Variants in DLGAP2 observed in about 807,000 individuals in gnomAD.
DLGAP2 encodes disks large-associated protein 2.
Under a neutral mutation model 100.3 loss-of-function variants are expected in DLGAP2, and 26 were observed. The observed-to-expected ratio is 0.26, with a 90% CI of 0.19 to 0.36. The LOEUF (loss-of-function observed/expected upper bound fraction) is 0.36, where lower values mean the gene tolerates loss of function less well. Ranked by LOEUF, DLGAP2 falls within the 10% of genes least tolerant of loss-of-function variation. DLGAP2 has a pLI of 1.00. For synonymous variants in DLGAP2, 886 were observed against 630.1 expected (o/e 1.41, Z -6.08); for missense variants, 1,858 against 1,453.2 (o/e 1.28, Z -4.53).
intron 3 of DLGAP2, among the ~76,000 whole-genome samples, chr8:1,318,651 G>T (rs1800822112): frequency 6.6e-6 from 1 of 151,748 alleles, no homozygotes; most frequent in African/African-American, 2.4e-5. Flanking sequence ...GGGATCTGTG[G>T]CTATAAGTTA....
chr8:1,599,593 T>C (rs1296378256), intron 6 of DLGAP2, among the ~76,000 whole-genome samples: 3 of 152,212 alleles, frequency 2.0e-5, no homozygotes, highest in Non-Finnish European at 4.4e-5. Flanking sequence ...GATAGTTAGC[T>C]CTTCTTGTTG....
Position 1,418,940 on chromosome 8 carries a change from G to T in DLGAP2, c.107-82426G>T, listed in dbSNP as rs149950716. 1.8e-3 allele frequency among the ~76,000 whole-genome samples: 279 copies of T among 152,324 alleles called. 2 individuals carry two copies. Among genetic ancestry groups the T allele is most frequent in the African/African-American group, 6.3e-3 (263 of 41,560 alleles). On this transcript the variant is annotated intron_variant, in intron 3 of 14. Coordinates refer to ENST00000637795, the MANE Select transcript of DLGAP2 (RefSeq NM_001346810.2). The stretch of plus-strand genomic sequence containing the variant: ...GCTTGAATGGCTCACAGAACTCGGG[G>T]AAACACTTTACTTGTGTTTACCCAC...
At chr8:1,622,282 A>G (rs971353782) in intron 6 of DLGAP2, 1 of 152,250 alleles carries the variant, frequency 6.6e-6, no homozygotes, top group African/African-American at 2.4e-5. Context: ...CTGTATTTCA[A>G]ATGAACACAT....
At chr8:1,374,589 T>G (rs1192289776) in intron 3 of DLGAP2, among the ~76,000 whole-genome samples, 1 of 152,156 alleles carries the variant, frequency 6.6e-6, no homozygotes, top group Non-Finnish European at 1.5e-5. Context: ...TAAAAATCCT[T>G]CCTGTGATGT....
intron 2 of DLGAP2, among the ~76,000 whole-genome samples, chr8:961,410 CT>C (rs1799722665): frequency 6.6e-6 from 1 of 152,192 alleles, no homozygotes; most frequent in Non-Finnish European, 1.5e-5. Context: ...GTGTATGCTT[CT>C]TTCTAGAAGT....
At chr8:1,172,000 A>C (rs1035308706) in intron 2 of DLGAP2, among the ~76,000 whole-genome samples, 16 of 152,092 alleles carry the variant, frequency 1.1e-4, no homozygotes, top group African/African-American at 3.9e-4. Flanking sequence ...ACATTTTGGC[A>C]TGATTTTGCA....
chr8:1,323,226 C>T (rs527889707), intron 3 of DLGAP2, among the ~76,000 whole-genome samples: 1 of 152,206 alleles, frequency 6.6e-6, no homozygotes, highest in African/African-American at 2.4e-5. Flanking sequence ...GACAGGGTTT[C>T]ATTGTGTTGC....
chr8:872,624 C>T (rs1381112774), intron 1 of DLGAP2, among the ~76,000 whole-genome samples: 1 of 152,102 alleles, frequency 6.6e-6, no homozygotes, highest in East Asian at 1.9e-4. Context: ...CCACTGCGCC[C>T]GGCCTTCTCT....
intron 1 of DLGAP2, among the ~76,000 whole-genome samples, chr8:853,460 C>G (rs1797218368): frequency 6.6e-6 from 1 of 152,246 alleles, no homozygotes; most frequent in Non-Finnish European, 1.5e-5. Context: ...TAAACATCAT[C>G]TGCACAGATG....
At chr8:1,226,900 C>T (rs934972803) in intron 2 of DLGAP2, among the ~76,000 whole-genome samples, 2 of 152,062 alleles carry the variant, frequency 1.3e-5, no homozygotes, top group East Asian at 3.9e-4. Flanking sequence ...GGAACCCCCA[C>T]ACTTCAGCAG....
chr8:1,073,469 G>GA (rs1403952715), intron 2 of DLGAP2, among the ~76,000 whole-genome samples: 1 of 152,098 alleles, frequency 6.6e-6, no homozygotes, highest in African/African-American at 2.4e-5. Flanking sequence ...ATGTAACTCA[G>GA]AAAAAATATA....
At chr8:944,768 C>G (rs1799276380) in intron 2 of DLGAP2, among the ~76,000 whole-genome samples, 1 of 151,292 alleles carries the variant, frequency 6.6e-6, no homozygotes, top group African/African-American at 2.4e-5. Context: ...GGTAACTGAT[C>G]CATGTGGGTG....
chr8:963,291 C>A (rs769791035), intron 2 of DLGAP2, among the ~76,000 whole-genome samples: 1 of 148,622 alleles, frequency 6.7e-6, no homozygotes, highest in Non-Finnish European at 1.5e-5. Context: ...AGGCACCCTA[C>A]GTAAGGCAAG....
chr8:958,404 T>C (rs143841644), intron 2 of DLGAP2, among the ~76,000 whole-genome samples: 25 of 152,142 alleles, frequency 1.6e-4, no homozygotes, highest in African/African-American at 6.0e-4. Flanking sequence ...CCGTTGCTCA[T>C]CTCCCTCGGG....
intron 2 of DLGAP2, among the ~76,000 whole-genome samples, chr8:994,112 C>T (rs1246263713): frequency 2.6e-5 from 4 of 152,194 alleles, no homozygotes; most frequent in Admixed American, 1.3e-4. Flanking sequence ...GAAATCGCCA[C>T]TGCACTACAA....
chr8:1,451,632 G>A (rs1798162518), intron 3 of DLGAP2, among the ~76,000 whole-genome samples: 1 of 151,936 alleles, frequency 6.6e-6, no homozygotes, highest in South Asian at 2.1e-4. Context: ...CGCCTCTGTT[G>A]CCGGCTCCTC....
At position 880,058 on chromosome 8, in the gene DLGAP2, C is replaced by T. The variant is rs369693713; in HGVS notation, c.19-27854C>T. On this transcript the variant is annotated intron_variant, in intron 1 of 14. Transcript: ENST00000637795. ...CTTCAGGAAATTCTGTCCTGGCCTT[C>T]TTGTCCTGCTGCTTCCAAATTCATC... is the stretch of plus-strand genomic sequence containing the variant. Among the ~76,000 whole-genome samples the T allele has an allele frequency of 3.3e-5, 5 of 152,186 alleles. No homozygotes were observed. In the East Asian group the frequency reaches 9.6e-4, roughly 29 times the overall value.
intron 2 of DLGAP2, among the ~76,000 whole-genome samples, chr8:1,083,422 T>A (rs1477021119): frequency 6.6e-6 from 1 of 152,230 alleles, no homozygotes; most frequent in African/African-American, 2.4e-5. Context: ...AGTAACCAGA[T>A]CTTACGGGGG....
At chr8:931,975 A>C (rs1340115935) in intron 2 of DLGAP2, among the ~76,000 whole-genome samples, 1 of 152,196 alleles carries the variant, frequency 6.6e-6, no homozygotes, top group Non-Finnish European at 1.5e-5. Flanking sequence ...TGTTTGCCTC[A>C]TGTACGTTTT....
Sources: gnomAD v4.1 joint callset for allele counts (sites outside exome capture counted in the v4.1 genomes callset) on GRCh38, gnomAD v4.1.1 for gene constraint, MANE v1.5 for transcripts, NCBI Gene and HGNC (gene_info 2026-07-23, HGNC 2026-07-21) for gene names.